RALGAPA2: variants seen among roughly 807,000 people sequenced by gnomAD.
RALGAPA2 encodes the protein ral GTPase-activating protein subunit alpha-2.
In RALGAPA2, 139 loss-of-function variants were observed where a neutral mutation model predicts 230.4. The ratio of observed to expected loss-of-function variants is 0.60; its 90% CI spans 0.53 to 0.69. The LOEUF (loss-of-function observed/expected upper bound fraction) is 0.69, where lower values mean the gene tolerates loss of function less well. RALGAPA2 is among the 30% of genes least tolerant of loss of function. The pLI, the probability that RALGAPA2 is intolerant of heterozygous loss-of-function variation, is 0.00. For missense variants in RALGAPA2, 2,163 were observed against 2,276.0 expected, an observed-to-expected ratio of 0.95 and a Z score of 1.01; for synonymous variants, 847 against 837.8, an observed-to-expected ratio of 1.01 and a Z score of -0.19.
chr20:20,679,622 A>G (rs2068453215), intron 2 of RALGAPA2, among the ~76,000 whole-genome samples: 1 of 152,084 alleles, frequency 6.6e-6, no homozygotes, highest in Non-Finnish European at 1.5e-5. Flanking sequence ...AAGAAAAAAA[A>G]AATGCATTTC....
chr20:20,613,377 T>G (rs1422479351), intron 13 of RALGAPA2, among the ~76,000 whole-genome samples: 1 of 152,218 alleles, frequency 6.6e-6, no homozygotes, highest in Non-Finnish European at 1.5e-5. Flanking sequence ...TTTCAACTCA[T>G]TTACATACCA....
intron 23 of RALGAPA2, among the ~76,000 whole-genome samples, chr20:20,556,205 G>A (rs186864651): frequency 7.9e-5 from 12 of 152,112 alleles, no homozygotes; most frequent in African/African-American, 2.4e-5. Context: ...GAATCAGCTC[G>A]CTCCCTCAGC....
At chr20:20,630,863 T>C (rs1032696902) in intron 9 of RALGAPA2, among the ~76,000 whole-genome samples, 1 of 152,174 alleles carries the variant, frequency 6.6e-6, no homozygotes, top group African/African-American at 2.4e-5. Context: ...AAGTCTCTTA[T>C]GGCTCAATAA....
At chr20:20,462,923 C>CTT (rs2061336169) in intron 37 of RALGAPA2, among the ~76,000 whole-genome samples, 1 of 152,190 alleles carries the variant, frequency 6.6e-6, no homozygotes, top group Admixed American at 6.5e-5. Context: ...GTCCACTAAA[C>CTT]GTTCTGTGGA....
At chr20:20,424,285 C>A (rs918205388) in intron 37 of RALGAPA2, among the ~76,000 whole-genome samples, 1 of 152,158 alleles carries the variant, frequency 6.6e-6, no homozygotes, top group African/African-American at 2.4e-5. Flanking sequence ...CCCGTGACAC[C>A]GTCGCTCAAA....
At chr20:20,570,150 A>T (rs1468048442) in intron 23 of RALGAPA2, among the ~76,000 whole-genome samples, 1 of 152,192 alleles carries the variant, frequency 6.6e-6, no homozygotes, top group Admixed American at 6.5e-5. Context: ...AGATTATGGG[A>T]CTAAGCCAGC....
At chr20:20,507,366 A>T (rs2062565324) in intron 33 of RALGAPA2, among the ~76,000 whole-genome samples, 1 of 152,054 alleles carries the variant, frequency 6.6e-6, no homozygotes, top group Admixed American at 6.5e-5. Context: ...TTTTTTTGAG[A>T]TAGTCTCACT....
intron 37 of RALGAPA2, among the ~76,000 whole-genome samples, chr20:20,420,318 A>G (rs953967831): frequency 1.3e-5 from 2 of 152,202 alleles, no homozygotes; most frequent in African/African-American, 4.8e-5. Flanking sequence ...GAGGAACTGC[A>G]CCACTAAGGA....
chr20:20,422,077 A>T (rs6046848), intron 37 of RALGAPA2, among the ~76,000 whole-genome samples: 2 of 152,046 alleles, frequency 1.3e-5, no homozygotes, highest in Non-Finnish European at 2.9e-5. Flanking sequence ...TGTCCAGAAT[A>T]AGCAAATTAA....
chr20:20,516,169 A>G (rs1412417024), intron 31 of RALGAPA2, among the ~76,000 whole-genome samples: 5 of 152,208 alleles, frequency 3.3e-5, no homozygotes, highest in African/African-American at 7.2e-5. Context: ...CAAAGGAGCC[A>G]TGGCTGGCCC....
At chr20:20,476,071 T>G (rs953462276) in intron 36 of RALGAPA2, among the ~76,000 whole-genome samples, 1 of 152,074 alleles carries the variant, frequency 6.6e-6, no homozygotes, top group Non-Finnish European at 1.5e-5. Context: ...TGAGATAAAT[T>G]AAAGACAAGC....
chr20:20,468,356 C>T (rs983522183), intron 37 of RALGAPA2, among the ~76,000 whole-genome samples: 1 of 152,154 alleles, frequency 6.6e-6, no homozygotes, highest in African/African-American at 2.4e-5. Flanking sequence ...GGTATAACTC[C>T]ATTCTGGCTG....
intron 38 of RALGAPA2, among the ~76,000 whole-genome samples, chr20:20,409,327 C>T (rs2060013651): frequency 6.6e-6 from 1 of 152,174 alleles, no homozygotes; most frequent in South Asian, 2.1e-4. Context: ...CAATACAGTG[C>T]AGAATGAATG....
At chr20:20,698,443 G>A (rs1244652785) in intron 1 of RALGAPA2, among the ~76,000 whole-genome samples, 2 of 152,122 alleles carry the variant, frequency 1.3e-5, no homozygotes, top group African/African-American at 4.8e-5. Flanking sequence ...AGACTGGAGT[G>A]TGGTGGCACG....
intron 18 of RALGAPA2, among the ~76,000 whole-genome samples, chr20:20,586,270 C>T (rs1041071479): frequency 2.0e-5 from 3 of 152,152 alleles, no homozygotes; most frequent in Non-Finnish European, 2.9e-5. Flanking sequence ...GGCAGTGAAA[C>T]GTGGCTATTG....
chr20:20,555,703 T>C (rs929920422), intron 23 of RALGAPA2, among the ~76,000 whole-genome samples: 1 of 152,226 alleles, frequency 6.6e-6, no homozygotes, highest in East Asian at 1.9e-4. Flanking sequence ...TTTTAAATTG[T>C]CCATTTCTGT....
In RALGAPA2 at chr20:20,503,517, T is replaced by C. The variant is rs748610869; in HGVS notation, c.5053-11A>G. On this transcript the variant is annotated splice_polypyrimidine_tract_variant and intron_variant, in intron 34 of 39. Transcript: ENST00000202677. ...GGTGGAGAGATCCACCTGACAAAGG[T>C]CACAAAGAAGAAAGAGTGAGGATCA... 1.3e-6 allele frequency: 2 copies of C among 1,538,530 alleles called. No individual in the cohort carries two copies. The highest frequency in any genetic ancestry group is 1.4e-5 in the African/African-American group (1 of 71,460).
At chr20:20,438,230 T>C (rs759997538) in intron 37 of RALGAPA2, among the ~76,000 whole-genome samples, 21 of 152,252 alleles carry the variant, frequency 1.4e-4, no homozygotes, top group Non-Finnish European at 3.1e-4. Flanking sequence ...ATTATATTGT[T>C]ACCAGTGTCT....
chr20:20,408,744 G>T (rs2059997393), intron 38 of RALGAPA2, among the ~76,000 whole-genome samples: 1 of 151,000 alleles, frequency 6.6e-6, no homozygotes, highest in Non-Finnish European at 1.5e-5. Flanking sequence ...GTGTGTGTGA[G>T]AGAGAAATGT....
Sources: gnomAD v4.1 joint callset for allele counts (sites outside exome capture counted in the v4.1 genomes callset) on GRCh38, gnomAD v4.1.1 for gene constraint, MANE v1.5 for transcripts, NCBI Gene and HGNC (gene_info 2026-07-23, HGNC 2026-07-21) for gene names.